The following FBXL13 variants were observed in gnomAD, a reference collection of about 807,000 sequenced individuals.
FBXL13 encodes F-box and leucine rich repeat protein 13, also known as F-box and leucine-rich repeat protein 13.
A neutral mutation model predicts 83.6 loss-of-function variants in FBXL13; 67 were observed. The ratio of observed to expected loss-of-function variants is 0.80; its 90% CI spans 0.66 to 0.98. The LOEUF (loss-of-function observed/expected upper bound fraction) is 0.98. FBXL13 is among the 50% of genes least tolerant of loss of function. FBXL13 has a pLI of 0.00. For synonymous variants in FBXL13, 272 were observed against 299.5 expected (o/e 0.91, Z 0.95); for missense variants, 822 against 866.5 (o/e 0.95, Z 0.64).
intron 16 of FBXL13, among the ~76,000 whole-genome samples, chr7:102,857,104 A>T (rs928085470): frequency 1.3e-5 from 2 of 152,206 alleles, no homozygotes; most frequent in Non-Finnish European, 2.9e-5. Context: ...CTAAAGAATT[A>T]AACATAAGAC....
chr7:103,062,329 G>A (rs1439149492), intron 1 of FBXL13, among the ~76,000 whole-genome samples: 1 of 152,116 alleles, frequency 6.6e-6, no homozygotes, highest in Non-Finnish European at 1.5e-5. Context: ...AGAAACTAGG[G>A]TTTCTATGTT....
intron 5 of FBXL13, among the ~76,000 whole-genome samples, chr7:103,026,057 T>G (rs1228424478): frequency 1.3e-5 from 2 of 151,800 alleles, no homozygotes; most frequent in Middle Eastern, 3.5e-3. Context: ...TATTAATATA[T>G]ATCAACCACT....
intron 18 of FBXL13, among the ~76,000 whole-genome samples, chr7:102,830,200 C>CA (rs1182435279): frequency 2.0e-5 from 3 of 152,124 alleles, no homozygotes; most frequent in African/African-American, 4.8e-5. Flanking sequence ...TAACAAAAAA[C>CA]AAAAAACCAA....
intron 11 of FBXL13, among the ~76,000 whole-genome samples, chr7:102,912,684 C>G (rs73714534): frequency 0.055 from 6,300 of 114,268 alleles, 368 homozygotes; most frequent in African/African-American, 0.073. Context: ...CCCCCCCCCC[C>G]AAAAAAAAAC....
intron 16 of FBXL13, among the ~76,000 whole-genome samples, chr7:102,869,446 TTCCTTTGCTGTACAGA>T (rs1487371186): frequency 3.3e-5 from 5 of 152,216 alleles, no homozygotes; most frequent in Non-Finnish European, 5.9e-5. Context: ...ACTCTGCTGT[TTCCTTTGCTGTACAGA>T]AGCTTTTTAG....
intron 11 of FBXL13, among the ~76,000 whole-genome samples, chr7:102,905,767 T>C (rs1813652881): frequency 6.6e-6 from 1 of 152,192 alleles, no homozygotes; most frequent in African/African-American, 2.4e-5. Flanking sequence ...TGCTTTTTAG[T>C]TTTTTGTGTA....
intron 10 of FBXL13, among the ~76,000 whole-genome samples, chr7:102,917,892 C>T (rs1584929598): frequency 2.0e-5 from 3 of 152,134 alleles, no homozygotes; most frequent in Non-Finnish European, 2.9e-5. Flanking sequence ...CATTTAGAGG[C>T]AACAAATTTC....
chr7:103,041,536 C>G (rs893105405), intron 2 of FBXL13, among the ~76,000 whole-genome samples: 2 of 152,172 alleles, frequency 1.3e-5, no homozygotes, highest in African/African-American at 4.8e-5. Flanking sequence ...GAATTTTAGG[C>G]CAATATCCCT....
intron 8 of FBXL13, among the ~76,000 whole-genome samples, chr7:102,958,519 G>C (rs1352915121): frequency 1.6e-5 from 2 of 123,418 alleles, no homozygotes; most frequent in Non-Finnish European, 3.3e-5. Flanking sequence ...ATGTACCCTA[G>C]AACTTAAAGT....
At chr7:102,937,666 G>T (rs886597343) in intron 8 of FBXL13, among the ~76,000 whole-genome samples, 1 of 152,078 alleles carries the variant, frequency 6.6e-6, no homozygotes, top group East Asian at 1.9e-4. Context: ...GAAGAGTCTT[G>T]TTTATTAAAT....
At chr7:102,997,735 G>A (rs2129485254) in intron 6 of FBXL13, among the ~76,000 whole-genome samples, 1 of 152,190 alleles carries the variant, frequency 6.6e-6, no homozygotes, top group South Asian at 2.1e-4. Context: ...CCATATTGCT[G>A]CAAATGACAG....
intron 6 of FBXL13, among the ~76,000 whole-genome samples, chr7:102,983,235 T>A (rs1400120960): frequency 6.6e-6 from 1 of 152,066 alleles, no homozygotes; most frequent in Non-Finnish European, 1.5e-5. Context: ...ATTAACCACC[T>A]TCTGAGGTGG....
intron 6 of FBXL13, among the ~76,000 whole-genome samples, chr7:103,012,720 A>G (rs1196405422): frequency 1.3e-5 from 2 of 152,244 alleles, no homozygotes; most frequent in Non-Finnish European, 2.9e-5. Context: ...TACATAGACA[A>G]GTGATACTCT....
chr7:103,003,000 C>T (rs555746144), intron 6 of FBXL13, among the ~76,000 whole-genome samples: 1 of 152,196 alleles, frequency 6.6e-6, no homozygotes, highest in East Asian at 1.9e-4. Flanking sequence ...AACCATTGCT[C>T]TTTCTCAACT....
intron 8 of FBXL13, among the ~76,000 whole-genome samples, chr7:102,951,900 T>C (rs1823483123): frequency 6.6e-6 from 1 of 151,750 alleles, no homozygotes; most frequent in African/African-American, 2.4e-5. Flanking sequence ...TGAATATCCA[T>C]ATTTATAGTA....
intron 17 of FBXL13, among the ~76,000 whole-genome samples, chr7:102,847,884 G>A (rs1026497684): frequency 3.3e-5 from 5 of 152,006 alleles, no homozygotes; most frequent in Admixed American, 3.3e-4. Flanking sequence ...ATTGGTTTTA[G>A]CCTAGAAATG....
downstream of FBXL13, among the ~76,000 whole-genome samples, chr7:102,812,587 C>A (rs1797489526): frequency 6.6e-6 from 1 of 152,176 alleles, no homozygotes; most frequent in Non-Finnish European, 1.5e-5. Flanking sequence ...TAATATATGT[C>A]TGTATTCTTT....
intron 8 of FBXL13, among the ~76,000 whole-genome samples, chr7:102,932,221 AG>A (rs1386057387): frequency 6.6e-6 from 1 of 152,226 alleles, no homozygotes; most frequent in Non-Finnish European, 1.5e-5. Flanking sequence ...TTAGCTTGAA[AG>A]CACTTGAAGA....
chr7:102,906,738 T>C (rs1813808843), intron 11 of FBXL13, among the ~76,000 whole-genome samples: 1 of 152,202 alleles, frequency 6.6e-6, no homozygotes, highest in Non-Finnish European at 1.5e-5. Flanking sequence ...CCATTGTATG[T>C]TATTTGTTTC....
Sources: gnomAD v4.1 joint callset for allele counts (sites outside exome capture counted in the v4.1 genomes callset) on GRCh38, gnomAD v4.1.1 for gene constraint, MANE v1.5 for transcripts, NCBI Gene and HGNC (gene_info 2026-07-23, HGNC 2026-07-21) for gene names.